The following ERBB4 variants were observed in gnomAD, a reference collection of about 807,000 sequenced individuals.
The protein encoded by ERBB4 is receptor tyrosine-protein kinase erbB-4.
ERBB4 carries 42 observed loss-of-function variants against 158.0 expected under a neutral mutation model. The observed-to-expected ratio is 0.27, with a 90% CI of 0.21 to 0.34. The LOEUF is 0.34. Ranked by LOEUF, ERBB4 falls within the 10% of genes least tolerant of loss-of-function variation. The probability of loss-of-function intolerance (pLI) is 1.00; values close to 1 mark genes in which losing one functional copy is unlikely to be tolerated. For missense variants in ERBB4, 1,333 were observed against 1,624.1 expected (o/e 0.82, Z 3.08); for synonymous variants, 583 against 558.7 (o/e 1.04, Z -0.61).
At chr2:212,186,030 G>A (rs1460698642) in intron 1 of ERBB4, among the ~76,000 whole-genome samples, 4 of 152,042 alleles carry the variant, frequency 2.6e-5, no homozygotes, top group Admixed American at 6.6e-5. Context: ...GAATTCAAAC[G>A]TTTGCTTACA....
intron 20 of ERBB4, among the ~76,000 whole-genome samples, chr2:211,482,007 A>G (rs2065094398): frequency 6.6e-6 from 1 of 152,176 alleles, no homozygotes. Flanking sequence ...TCCAGGTCAC[A>G]GTGCAAGGAG....
chr2:211,750,826 C>G, intron 4 of ERBB4, 122 bp from the exon 5 acceptor site: 3 of 861,256 alleles, frequency 3.5e-6, no homozygotes, highest in Non-Finnish European at 5.8e-6. Flanking sequence ...CATACTAGAG[C>G]TGAAACATAG....
At chr2:212,261,625 CAT>C (rs1270382650) in intron 1 of ERBB4, among the ~76,000 whole-genome samples, 4 of 152,036 alleles carry the variant, frequency 2.6e-5, no homozygotes, top group African/African-American at 9.7e-5. Flanking sequence ...AGACAATCCA[CAT>C]ATGATGATAA....
At chr2:211,662,082 A>AAAAAAAAAAAAAAAAAAAAAAAAAAAAG (rs1559392659) in intron 15 of ERBB4, among the ~76,000 whole-genome samples, 1 of 124,996 alleles carries the variant, frequency 8.0e-6, no homozygotes, top group Non-Finnish European at 1.7e-5. Context: ...AAAAAAAAAA[A>AAAAAAAAAAAAAAAAAAAAAAAAAAAAG]GATTAAGGTA....
chr2:212,432,950 A>C (rs1351473829), intron 1 of ERBB4, among the ~76,000 whole-genome samples: 3 of 152,014 alleles, frequency 2.0e-5, no homozygotes. Context: ...GGTATTTTCT[A>C]CCACATAACC....
intron 1 of ERBB4, among the ~76,000 whole-genome samples, chr2:212,148,887 C>A (rs1029531878): frequency 7.0e-6 from 1 of 143,608 alleles, no homozygotes; most frequent in Non-Finnish European, 1.5e-5. Context: ...AAATTGGAAA[C>A]CATCATTCTC....
chr2:211,772,244 T>C (rs578239396), intron 4 of ERBB4, among the ~76,000 whole-genome samples: 3 of 152,294 alleles, frequency 2.0e-5, no homozygotes, highest in East Asian at 3.9e-4. Flanking sequence ...TGGGGCTTTT[T>C]TCCCCTATTT....
chr2:211,392,145 A>G (rs1260487992), intron 25 of ERBB4, among the ~76,000 whole-genome samples: 1 of 152,208 alleles, frequency 6.6e-6, no homozygotes, highest in African/African-American at 2.4e-5. Context: ...ATATCTGCTT[A>G]ACACTCTGAT....
chr2:211,978,392 G>GTCTCTTTCTATCTA lies in ERBB4; in HGVS notation c.235-30777_235-30776insTAGATAGAAAGAGA, dbSNP rs1165469722. ...TGTCTGTCTGTCTGTCTGTCTGTCTGTCTGTCTATCTATCTATCTATCTAT... is the reference window on the plus strand; with the variant it reads ...TGTCTGTCTGTCTGTCTGTCTGTCTGTCTCTTTCTATCTATCTGTCTATCTATCTATCTATCTAT... On this transcript the variant is annotated intron_variant, in intron 2 of 27. Transcript: ENST00000342788. Among the ~76,000 whole-genome samples, 614 of 102,314 alleles carry GTCTCTTTCTATCTA rather than the reference G, an allele frequency of 6.0e-3. 3 individuals carry two copies. The highest frequency in any genetic ancestry group is 9.7e-3 in the Middle Eastern group (2 of 206). The allele number at this position is 102,314 out of a possible 152,430, so 67.1% of individuals were successfully genotyped here. A position where few individuals can be genotyped will look rare whatever the true frequency, so the allele number is the denominator to read the frequency against.
At chr2:211,727,142 C>T (rs939577924) in intron 5 of ERBB4, among the ~76,000 whole-genome samples, 1 of 152,114 alleles carries the variant, frequency 6.6e-6, no homozygotes, top group African/African-American at 2.4e-5. Flanking sequence ...AAGATCTAGG[C>T]TCAAATCCAA....
intron 1 of ERBB4, among the ~76,000 whole-genome samples, chr2:212,472,654 A>T (rs907092753): frequency 1.3e-5 from 2 of 151,850 alleles, no homozygotes; most frequent in African/African-American, 4.8e-5. Context: ...AGTTTGTTTT[A>T]GTTTGAAACT....
intron 1 of ERBB4, among the ~76,000 whole-genome samples, chr2:212,271,307 C>T (rs1482907217): frequency 1.3e-5 from 2 of 151,606 alleles, no homozygotes; most frequent in Non-Finnish European, 3.0e-5. Context: ...ATTACTTCAA[C>T]GTCTTACCAT....
chr2:211,759,596 A>G (rs752074173), intron 4 of ERBB4, among the ~76,000 whole-genome samples: 80 of 152,086 alleles, frequency 5.3e-4, no homozygotes, highest in Non-Finnish European at 1.1e-3. Flanking sequence ...AAGAGCCTAT[A>G]AAGCAGGTTT....
chr2:212,230,740 A>G (rs763759547), intron 1 of ERBB4, among the ~76,000 whole-genome samples: 1 of 152,152 alleles, frequency 6.6e-6, no homozygotes, highest in Non-Finnish European at 1.5e-5. Flanking sequence ...CCATCTGCCC[A>G]TTCATCTATC....
chr2:212,533,522 T>C (rs1692869653), intron 1 of ERBB4, among the ~76,000 whole-genome samples: 1 of 152,160 alleles, frequency 6.6e-6, no homozygotes, highest in Non-Finnish European at 1.5e-5. Context: ...AACCACAAAA[T>C]AGGCAATTAA....
chr2:212,531,639 C>A (rs1439743125), intron 1 of ERBB4, among the ~76,000 whole-genome samples: 1 of 152,044 alleles, frequency 6.6e-6, no homozygotes, highest in Non-Finnish European at 1.5e-5. Context: ...TACAATCCAT[C>A]TTATTTCAGC....
chr2:212,388,691 CTTGAGAAATGTCGTCA>C (rs966808214), intron 1 of ERBB4, among the ~76,000 whole-genome samples: 6 of 152,076 alleles, frequency 3.9e-5, no homozygotes, highest in Admixed American at 6.6e-5. Context: ...CCCTTCCTAT[CTTGAGAAATGTCGTCA>C]TTGTGGGCAT....
At chr2:211,658,536 G>T (rs892837956) in intron 15 of ERBB4, among the ~76,000 whole-genome samples, 1 of 151,944 alleles carries the variant, frequency 6.6e-6, no homozygotes, top group African/African-American at 2.4e-5. Context: ...TCTGATTCTT[G>T]GTTGTGCCTG....
At chr2:211,726,514 C>T (rs1353777582) in intron 5 of ERBB4, among the ~76,000 whole-genome samples, 1 of 152,158 alleles carries the variant, frequency 6.6e-6, no homozygotes, top group East Asian at 1.9e-4. Context: ...TATCCAGTAG[C>T]TTGCTAGTAA....
Sources: gnomAD v4.1 joint callset for allele counts (sites outside exome capture counted in the v4.1 genomes callset) on GRCh38, gnomAD v4.1.1 for gene constraint, MANE v1.5 for transcripts, NCBI Gene and HGNC (gene_info 2026-07-23, HGNC 2026-07-21) for gene names.